GALNT13: variants seen among roughly 807,000 people sequenced by gnomAD.
GALNT13 encodes UDP-GalNAc:polypeptide N-acetylgalactosaminyltransferase 13.
In GALNT13, 28 loss-of-function variants were observed where a neutral mutation model predicts 64.2. The ratio of observed to expected loss-of-function variants is 0.44; its 90% confidence interval spans 0.32 to 0.60. The LOEUF (loss-of-function observed/expected upper bound fraction) is 0.60. Ranked by LOEUF, GALNT13 falls within the 20% of genes least tolerant of loss-of-function variation. GALNT13 has a pLI of 0.05. For missense variants in GALNT13, 577 were observed against 669.8 expected, an observed-to-expected ratio of 0.86 and a Z score of 1.53; for synonymous variants, 214 against 224.6, an observed-to-expected ratio of 0.95 and a Z score of 0.42.
At chr2:153,999,810 C>T (rs186161382) in intron 3 of GALNT13, among the ~76,000 whole-genome samples, 1 of 151,934 alleles carries the variant, frequency 6.6e-6, no homozygotes, top group Non-Finnish European at 1.5e-5. Flanking sequence ...GTTTTGGTAT[C>T]AGGGTAGTGA....
the GALNT13 span, among the ~76,000 whole-genome samples, chr2:153,606,110 C>T: frequency 6.6e-6 from 1 of 151,940 alleles, no homozygotes; most frequent in Non-Finnish European, 1.5e-5. Context: ...CAGCAAGCAC[C>T]CATTAGGTTG....
chr2:153,659,966 A>C, the GALNT13 span, among the ~76,000 whole-genome samples: 1 of 152,130 alleles, frequency 6.6e-6, no homozygotes, highest in Non-Finnish European at 1.5e-5. Context: ...ATCTATTAAA[A>C]ATGCTGGTTG....
At chr2:153,468,782 G>T in the GALNT13 span, among the ~76,000 whole-genome samples, 8,653 of 152,034 alleles carry the variant, frequency 0.057, 316 homozygotes, top group South Asian at 0.14. Flanking sequence ...AATCCAAGTA[G>T]GCTTGGAGAC....
chr2:153,984,167 A>G (rs1270118982), intron 3 of GALNT13, among the ~76,000 whole-genome samples: 1 of 151,860 alleles, frequency 6.6e-6, no homozygotes, highest in Non-Finnish European at 1.5e-5. Context: ...GTACAATAAT[A>G]TAATCTGTTT....
At chr2:153,919,199 C>T (rs1234818400) in intron 2 of GALNT13, among the ~76,000 whole-genome samples, 1 of 151,974 alleles carries the variant, frequency 6.6e-6, no homozygotes, top group Non-Finnish European at 1.5e-5. Flanking sequence ...ATGGCACCCT[C>T]ATTTTCTATC....
the GALNT13 span, among the ~76,000 whole-genome samples, chr2:153,614,305 T>A: frequency 5.9e-5 from 9 of 151,884 alleles, no homozygotes; most frequent in Non-Finnish European, 1.0e-4. Context: ...TAAATTGCAA[T>A]ACTGTGGTGA....
intron 9 of GALNT13, among the ~76,000 whole-genome samples, chr2:154,349,960 A>C (rs1189480093): frequency 6.6e-6 from 1 of 152,360 alleles, no homozygotes; most frequent in South Asian, 2.1e-4. Flanking sequence ...GTTCAAAAAC[A>C]GATGTCAGTT....
At chr2:154,388,566 G>A (rs1202107310) in intron 9 of GALNT13, among the ~76,000 whole-genome samples, 6 of 152,062 alleles carry the variant, frequency 3.9e-5, no homozygotes, top group African/African-American at 1.4e-4. Context: ...TTTATATTTG[G>A]TATAAGATAA....
rs1016320879 is a variant in GALNT13, at chr2:154,233,411, C to T, written c.312-8619C>T. Among the ~76,000 whole-genome samples the T allele has an allele frequency of 2.6e-5, 4 of 152,254 alleles. No homozygotes were observed. In the East Asian group the frequency reaches 7.7e-4, roughly 29 times the overall value. On this transcript the variant is annotated intron_variant, in intron 4 of 12. Coordinates refer to ENST00000392825, the MANE Select transcript of GALNT13 (RefSeq NM_052917.4). ...GGCAATATATAATAGTCCTATGAAG[C>T]AGGCTGTTTACCCACGTGAGCAACT... is the stretch of plus-strand genomic sequence containing the variant.
chr2:153,514,211 TG>T, the GALNT13 span, among the ~76,000 whole-genome samples: 68 of 152,306 alleles, frequency 4.5e-4, no homozygotes, highest in African/African-American at 1.6e-3. Context: ...TTTCTTGCCA[TG>T]ACATTCCAGC....
the GALNT13 span, among the ~76,000 whole-genome samples, chr2:153,469,979 A>C: frequency 1.3e-5 from 2 of 152,136 alleles, no homozygotes; most frequent in Non-Finnish European, 2.9e-5. Flanking sequence ...TTGGAGCTAC[A>C]TCAACTCAAC....
At chr2:153,853,984 C>T in the GALNT13 span, among the ~76,000 whole-genome samples, 1 of 151,652 alleles carries the variant, frequency 6.6e-6, no homozygotes, top group African/African-American at 2.4e-5. Flanking sequence ...CATCCGTCAG[C>T]CCATAGGTAT....
At chr2:153,635,456 A>ATATATATATACATATATATATGTG in the GALNT13 span, among the ~76,000 whole-genome samples, 20 of 145,414 alleles carry the variant, frequency 1.4e-4, no homozygotes, top group African/African-American at 4.5e-4. Context: ...ATATATATGT[A>ATATATATATACATATATATATGTG]TATGTGTATA....
the GALNT13 span, among the ~76,000 whole-genome samples, chr2:153,631,894 C>T: frequency 6.6e-6 from 1 of 152,122 alleles, no homozygotes; most frequent in Non-Finnish European, 1.5e-5. Flanking sequence ...TGCCTATGTC[C>T]TGAATGGTAT....
the GALNT13 span, among the ~76,000 whole-genome samples, chr2:153,705,696 C>T: frequency 4.6e-5 from 7 of 152,180 alleles, no homozygotes; most frequent in Non-Finnish European, 8.8e-5. Context: ...GCCTTTGATC[C>T]TGGCACTTCT....
the GALNT13 span, among the ~76,000 whole-genome samples, chr2:153,196,720 C>G: frequency 6.6e-6 from 1 of 152,122 alleles, no homozygotes; most frequent in Non-Finnish European, 1.5e-5. Context: ...CACTGCTCCC[C>G]CACTGGTGGG....
chr2:153,836,675 G>A, the GALNT13 span, among the ~76,000 whole-genome samples: 43 of 101,360 alleles, frequency 4.2e-4, no homozygotes, highest in African/African-American at 1.5e-3. Flanking sequence ...TCCCCACAAC[G>A]GTCCCCAGAG....
At chr2:153,110,833 A>G in the GALNT13 span, among the ~76,000 whole-genome samples, 7 of 152,176 alleles carry the variant, frequency 4.6e-5, no homozygotes, top group African/African-American at 1.7e-4. Flanking sequence ...AGACTATCAC[A>G]CACACTGAAT....
the GALNT13 span, among the ~76,000 whole-genome samples, chr2:153,623,615 A>G: frequency 2.0e-5 from 3 of 152,066 alleles, no homozygotes; most frequent in Admixed American, 6.6e-5. Context: ...ATAACTATAC[A>G]TACAGAATGG....
Sources: allele counts gnomAD v4.1 joint callset (sites outside exome capture counted in the v4.1 genomes callset), GRCh38; gene constraint gnomAD v4.1.1; transcripts MANE v1.5; gene names NCBI Gene and HGNC (gene_info 2026-07-23, HGNC 2026-07-21).